The following SLC29A2 variants were observed in gnomAD, a reference collection of about 807,000 sequenced individuals.
SLC29A2 encodes solute carrier family 29 member 2.
In SLC29A2, 37 loss-of-function variants were observed where a neutral mutation model predicts 48.8. That is an observed-to-expected ratio of 0.76 (90% confidence interval 0.58 to 1.00). SLC29A2 has a LOEUF of 1.00. SLC29A2 is among the 50% of genes least tolerant of loss of function. The pLI is 0.00. For synonymous variants in SLC29A2, 233 were observed against 261.7 expected (o/e 0.89, Z 1.06); for missense variants, 533 against 578.6 (o/e 0.92, Z 0.81).
chr11:66,369,195 G>A lies in SLC29A2; in HGVS notation c.280C>T (p.Pro94Ser). The A allele has an allele frequency of 6.3e-7, 1 of 1,575,190 alleles. No homozygotes were observed. Among genetic ancestry groups the A allele is most frequent in the Non-Finnish European group, 8.6e-7 (1 of 1,160,894 alleles). The change falls in exon 4 of 12, where the codon CCG (proline) becomes TCG (serine). Residue 94 changes from proline (P) to serine (S), a missense_variant. Physicochemically the swap from Pro to Ser is moderately conservative, Grantham distance 74 (BLOSUM62 -1). Coordinates refer to ENST00000357440, the MANE Select transcript of SLC29A2 (RefSeq NM_001532.3). ...LLNSFLYQCV[P>S]ETVRILGSLL... is the part of the protein sequence containing the mutation. ...CTGCCCAGAATGCGCACCGTCTCCGGGACGCTGCTCAGAAGCAGGCAGAGT... is the reference window on the plus strand; with the variant it reads ...CTGCCCAGAATGCGCACCGTCTCCGAGACGCTGCTCAGAAGCAGGCAGAGT...
intron 10 of SLC29A2, chr11:66,364,844 G>GTGTGTT (rs1312249618): frequency 5.6e-6 from 1 of 178,028 alleles, no homozygotes; most frequent in Non-Finnish European, 1.2e-5. Flanking sequence ...GTGTGTGTGT[G>GTGTGTT]TACAGACAAA....
In SLC29A2 at chr11:66,367,452, C is replaced by T. The variant is rs1565219603; in HGVS notation, c.733+12G>A. On this transcript the variant is annotated intron_variant, in intron 7 of 11. Coordinates refer to ENST00000357440, the MANE Select transcript of SLC29A2 (RefSeq NM_001532.3). Reference sequence around the variant, plus strand: ...GCATCTCCCACCTCCCCAGGAGGGTCTCAGGGCTTACCAGACTGGAGGAGC... The same window carrying T: ...GCATCTCCCACCTCCCCAGGAGGGTTTCAGGGCTTACCAGACTGGAGGAGC... 9.9e-6 allele frequency: 16 copies of T among 1,613,056 alleles called. No homozygotes were observed. Among genetic ancestry groups the T allele is most frequent in the Non-Finnish European group, 1.2e-5 (14 of 1,179,128 alleles).
intron 10 of SLC29A2, among the ~76,000 whole-genome samples, chr11:66,365,659 C>G (rs1263092344): frequency 6.6e-6 from 1 of 152,268 alleles, no homozygotes; most frequent in Non-Finnish European, 1.5e-5. Context: ...CTCAGTCCCT[C>G]ACCTGGTGCA....
upstream of SLC29A2, chr11:66,371,807 A>G: frequency 1.8e-6 from 1 of 569,166 alleles, no homozygotes; most frequent in South Asian, 2.1e-5. Flanking sequence ...GCGGGGACAG[A>G]GGGTCGCGCC....
rs771818227 is a variant in SLC29A2, at chr11:66,363,380, T to A, written c.*56A>T. 1 of 1,409,156 alleles carries A rather than the reference T, an allele frequency of 7.1e-7. No individual in the cohort carries two copies. The highest frequency in any genetic ancestry group is 2.3e-5 in the East Asian group (1 of 43,400). 87.3% of individuals were successfully genotyped at this position (1,409,156 alleles called of 1,614,324 possible). ...CTCGCCATTCGCCCTGGGCTGGATC[T>A]CAGCTCCGGAAGGAGACGTCGAGAA... On this transcript the variant is annotated 3_prime_UTR_variant, in exon 12 of 12. Transcript: ENST00000357440.
chr11:66,369,019 G>A, intron 4 of SLC29A2, 41 bp downstream of exon 4: 1 of 1,581,672 alleles, frequency 6.3e-7, no homozygotes, highest in Non-Finnish European at 8.6e-7. Context: ...CCAGGCTGAA[G>A]CCCTGCATAG....
At position 66,369,402 on chromosome 11, in the gene SLC29A2, A is replaced by G. The variant is rs1424676141; in HGVS notation, c.242T>C (p.Leu81Pro). ...VTLLSQLPLLLFTLLNSFLYQ... is the reference protein window; with the variant it reads ...VTLLSQLPLLPFTLLNSFLYQ... ...CAGGAAGGAGTTGAGGAGGGTGAAG[A>G]GCAGCAGGGGCAGCTGGGACAGCAG... is the stretch of plus-strand genomic sequence containing the variant. The change falls in exon 3 of 12, where the codon CTC becomes CCC. Residue 81 changes from leucine to proline, a missense_variant. Transcript: ENST00000357440. 1 of 1,613,954 alleles carries G rather than the reference A, an allele frequency of 6.2e-7. No homozygotes were observed. Among genetic ancestry groups the G allele is most frequent in the East Asian group, 2.2e-5 (1 of 44,886 alleles).
chr11:66,366,404 T>G lies in SLC29A2; in HGVS notation c.867+27A>C, dbSNP rs1231705620. On this transcript the variant is annotated intron_variant, in intron 8 of 11. Transcript: ENST00000357440. ...GAGCCCCATTCTTCCCCAAAGATGG[T>G]GGTTGGGGGCTGTATCCAAGCCAAA... The G allele has an allele frequency of 6.8e-6, 11 of 1,614,008 alleles. No homozygotes were observed. The Admixed American group carries it at 1.8e-4, about 27-fold the overall frequency.
rs200681710 is a variant in SLC29A2 at position 66,367,855 on chromosome 11, C to T, written c.565G>A (p.Glu189Lys). ...ATAAAGTACCCCAGGGCAGAGGTCT[C>T]GGCGTCCACGCCACCTGCGGAGGAA... is the stretch of plus-strand genomic sequence containing the variant. ...LLSMASGVDA[E>K]TSALGYFITP... The change falls in exon 6 of 12, where the codon GAG becomes AAG. Residue 189 changes from glutamate to lysine, a missense_variant. Coordinates refer to ENST00000357440, the MANE Select transcript of SLC29A2 (RefSeq NM_001532.3). 1.4e-5 allele frequency: 22 copies of T among 1,614,096 alleles called. No individual in the cohort carries two copies. The East Asian group carries it at 2.5e-4, about 18-fold the overall frequency.
chr11:66,363,046 A>C lies in SLC29A2; in HGVS notation c.*390T>G. The stretch of plus-strand genomic sequence containing the variant: ...TTACCCTGGGTGGCTGAGGCCTGGG[A>C]AGATGAGGCGCTCCTGGCCTGGGCT... On this transcript the variant is annotated 3_prime_UTR_variant, in exon 12 of 12. Coordinates refer to ENST00000357440, the MANE Select transcript of SLC29A2 (RefSeq NM_001532.3). 1 of 303,446 alleles carries C rather than the reference A, an allele frequency of 3.3e-6. No homozygotes were observed. The highest frequency in any genetic ancestry group is 6.5e-6 in the Non-Finnish European group (1 of 154,266). 18.8% of individuals were successfully genotyped at this position (303,446 alleles called of 1,614,324 possible). A position where few individuals can be genotyped will look rare whatever the true frequency, so the allele number is the denominator to read the frequency against.
chr11:66,370,246 G>A (rs1245154420), intron 2 of SLC29A2, among the ~76,000 whole-genome samples: 1 of 152,214 alleles, frequency 6.6e-6, no homozygotes, highest in Admixed American at 6.5e-5. Context: ...CCATGAAGCA[G>A]AAGGAACTTT....
intron 2 of SLC29A2, 94 bp downstream of exon 2, chr11:66,371,150 G>A (rs187022038): frequency 9.2e-7 from 1 of 1,091,674 alleles, no homozygotes; most frequent in African/African-American, 1.6e-5. Context: ...TCACAGGTGC[G>A]CGGTGAGGAA....
rs1047723254 is a variant in SLC29A2 at position 66,371,295 on chromosome 11, G to A, written c.60C>T (p.Ile20=). The A allele has an allele frequency of 6.2e-7, 1 of 1,613,902 alleles. No individual in the cohort carries two copies. ...SYHLVGISFF[I]LGLGTLLPWN... Reference sequence around the variant, plus strand: ...AGGGAAGGAGGGTGCCCAGCCCCAGGATGAAGAAGCTGATCCCGACCAGGT... The same window carrying A: ...AGGGAAGGAGGGTGCCCAGCCCCAGAATGAAGAAGCTGATCCCGACCAGGT... Residue 20 remains isoleucine, a synonymous_variant, in exon 2 of 12, where the codon ATC becomes ATT. Transcript: ENST00000357440.
intron 2 of SLC29A2, among the ~76,000 whole-genome samples, chr11:66,370,780 AC>A: frequency 6.7e-6 from 1 of 148,778 alleles, no homozygotes. Flanking sequence ...AATGGCGTGA[AC>A]CCGGGAGGCG....
At chr11:66,367,897 G>C (rs1343051620) in intron 5 of SLC29A2, 28 bp from the exon 6 acceptor site, 13 of 1,594,478 alleles carry the variant, frequency 8.2e-6, no homozygotes, top group Admixed American at 3.4e-5. Flanking sequence ...CTGCAGAAGA[G>C]AGGCACCTGG....
At chr11:66,371,511 G>C in intron 1 of SLC29A2, 52 bp downstream of exon 1, 1 of 1,545,848 alleles carries the variant, frequency 6.5e-7, no homozygotes, top group African/African-American at 1.4e-5. Context: ...CGCCTTCAGG[G>C]AGCGGGTCTG....
Position 66,364,272 on chromosome 11 carries a change from G to A in SLC29A2, c.1212C>T (p.Ala404=), listed in dbSNP as rs775580412. The stretch of plus-strand genomic sequence containing the variant: ...GGGACACCAGGTAGCCATTAGAAAC[G>A]GCAAAGAGCAGCATGAAGGTGATGA... ...AYFITFMLLF[A]VSNGYLVSLT... Residue 404 remains alanine, a synonymous_variant, in exon 11 of 12, where the codon GCC becomes GCT. Coordinates refer to ENST00000357440, the MANE Select transcript of SLC29A2 (RefSeq NM_001532.3). The A allele has an allele frequency of 1.3e-5, 21 of 1,590,956 alleles. No homozygotes were observed. The East Asian group carries it at 2.1e-4, about 16-fold the overall frequency.
upstream of SLC29A2, chr11:66,372,072 A>G (rs1190086789): frequency 6.1e-6 from 1 of 163,604 alleles, no homozygotes. Context: ...CCGCTTCGTC[A>G]GCTCCGAGGT....
In SLC29A2 at chr11:66,367,821, C is replaced by A; in HGVS notation, c.599G>T (p.Cys200Phe). Residue 200 changes from cysteine to phenylalanine, a missense_variant, in exon 6 of 12, where the codon TGT becomes TTT. By Grantham distance (205) the Cys-to-Phe change is radical (BLOSUM62 -2). Coordinates refer to ENST00000357440, the MANE Select transcript of SLC29A2 (RefSeq NM_001532.3). ...TSALGYFITPCVGILMSIVCY... is the reference protein window; with the variant it reads ...TSALGYFITPFVGILMSIVCY... ...CACGATGGACATGAGGATGCCCACA[C>A]AGGGCGTGATAAAGTACCCCAGGGC... 6.2e-7 allele frequency: 1 copy of A among 1,614,200 alleles called. No individual in the cohort carries two copies. The highest frequency in any genetic ancestry group is 8.5e-7 in the Non-Finnish European group (1 of 1,180,010).
Sources: allele counts gnomAD v4.1 joint callset (sites outside exome capture counted in the v4.1 genomes callset), GRCh38; gene constraint gnomAD v4.1.1; transcripts MANE v1.5; gene names NCBI Gene and HGNC (gene_info 2026-07-23, HGNC 2026-07-21).